Variants in CDH9 observed in about 807,000 individuals in gnomAD.
CDH9 encodes cadherin 9.
CDH9 carries 28 observed loss-of-function variants against 70.9 expected under a neutral mutation model. The observed-to-expected ratio is 0.40, with a 90% CI of 0.29 to 0.54. The LOEUF is 0.54. Ranked by LOEUF, CDH9 falls within the 20% of genes least tolerant of loss-of-function variation. The probability of loss-of-function intolerance (pLI) is 0.59; values close to 1 mark genes in which losing one functional copy is unlikely to be tolerated. For missense variants in CDH9, 874 were observed against 984.4 expected, an observed-to-expected ratio of 0.89 and a Z score of 1.50; for synonymous variants, 409 against 343.1, an observed-to-expected ratio of 1.19 and a Z score of -2.12.
rs1229895019 is a variant in CDH9 at position 26,906,106 on chromosome 5, G to A, written c.664C>T (p.Pro222Ser). The change falls in exon 5 of 12, where the codon CCA becomes TCA. Residue 222 changes from proline to serine, a missense_variant. Pro to Ser is a moderately conservative substitution (Grantham distance 74). Coordinates refer to ENST00000231021, the MANE Select transcript of CDH9 (RefSeq NM_016279.4). ...TCTCTATTTTCTCTGCTCATGTCTG[G>A]TAATGCAGTTTTTATTATGCCTTTT... ...PESGIIKTAL[P>S]DMSRENREQY... 10 of 1,611,180 alleles carry A rather than the reference G, an allele frequency of 6.2e-6. No homozygotes were observed. In the Middle Eastern group the frequency reaches 1.5e-3, roughly 239 times the overall value.
chr5:26,963,889 T>C (rs1579480813), intron 2 of CDH9, among the ~76,000 whole-genome samples: 1 of 151,992 alleles, frequency 6.6e-6, no homozygotes, highest in Non-Finnish European at 1.5e-5. Flanking sequence ...TGATATGGAG[T>C]TTGAAAAGCT....
intron 2 of CDH9, among the ~76,000 whole-genome samples, chr5:26,918,574 G>A (rs1045765801): frequency 1.3e-5 from 2 of 152,158 alleles, no homozygotes; most frequent in South Asian, 2.1e-4. Context: ...TAAGTTGAAT[G>A]GATAGACTTG....
chr5:26,959,760 C>T (rs939569851), intron 2 of CDH9, among the ~76,000 whole-genome samples: 1 of 151,946 alleles, frequency 6.6e-6, no homozygotes, highest in Non-Finnish European at 1.5e-5. Context: ...AAAAGGTCAC[C>T]TAATGTATGA....
At chr5:27,035,750 A>C (rs963975211) in intron 1 of CDH9, among the ~76,000 whole-genome samples, 4 of 151,138 alleles carry the variant, frequency 2.6e-5, no homozygotes, top group Non-Finnish European at 5.9e-5. Flanking sequence ...CCTTGAAGTC[A>C]AAAGTATTAC....
intron 1 of CDH9, among the ~76,000 whole-genome samples, chr5:26,998,568 C>T (rs953229521): frequency 1.5e-4 from 22 of 150,712 alleles, no homozygotes; most frequent in African/African-American, 3.2e-4. Flanking sequence ...CATCACACAC[C>T]GGGGTCTGTT....
chr5:26,996,280 T>G (rs1358971626), intron 1 of CDH9, among the ~76,000 whole-genome samples: 1 of 152,028 alleles, frequency 6.6e-6, no homozygotes, highest in Non-Finnish European at 1.5e-5. Flanking sequence ...AATCTATTGA[T>G]CTTCAAAATG....
chr5:26,950,556 T>C (rs1741827643), intron 2 of CDH9, among the ~76,000 whole-genome samples: 1 of 152,202 alleles, frequency 6.6e-6, no homozygotes, highest in African/African-American at 2.4e-5. Flanking sequence ...CTTCTGACTT[T>C]TTGATATCTT....
At chr5:26,956,680 G>C (rs997648762) in intron 2 of CDH9, among the ~76,000 whole-genome samples, 8 of 152,034 alleles carry the variant, frequency 5.3e-5, no homozygotes, top group African/African-American at 1.9e-4. Context: ...TTCCACCATG[G>C]CATGACACAG....
At chr5:26,963,418 T>A (rs1451811546) in intron 2 of CDH9, among the ~76,000 whole-genome samples, 1 of 152,184 alleles carries the variant, frequency 6.6e-6, no homozygotes, top group East Asian at 1.9e-4. Context: ...TATAAAGGTA[T>A]CAAATGCCAA....
chr5:26,996,867 T>A (rs954998286), intron 1 of CDH9, among the ~76,000 whole-genome samples: 2 of 151,970 alleles, frequency 1.3e-5, no homozygotes, highest in African/African-American at 4.8e-5. Context: ...TGGTATACTA[T>A]CTTTATCCAA....
At chr5:26,975,170 C>T (rs1232048036) in intron 2 of CDH9, among the ~76,000 whole-genome samples, 1 of 152,122 alleles carries the variant, frequency 6.6e-6, no homozygotes, top group Admixed American at 6.6e-5. Context: ...TTCACAGCCA[C>T]TTGAGACATT....
At chr5:26,917,465 A>T (rs992687400) in intron 2 of CDH9, among the ~76,000 whole-genome samples, 1 of 152,066 alleles carries the variant, frequency 6.6e-6, no homozygotes, top group African/African-American at 2.4e-5. Context: ...TGTTATGTTG[A>T]CTTACATCAT....
At chr5:26,982,909 A>T (rs903347406) in intron 2 of CDH9, among the ~76,000 whole-genome samples, 5 of 151,016 alleles carry the variant, frequency 3.3e-5, no homozygotes, top group African/African-American at 1.2e-4. Context: ...CTGGTCTCAA[A>T]CTCCTGACCT....
At chr5:26,883,041 T>TTAGATATATATATA (rs1221330777) in intron 11 of CDH9, among the ~76,000 whole-genome samples, 3 of 58,040 alleles carry the variant, frequency 5.2e-5, no homozygotes, top group Admixed American at 2.2e-4. Context: ...CAGGATCATC[T>TTAGATATATATATA]TATATATATA....
chr5:26,891,538 C>T (rs1448227819), intron 7 of CDH9, among the ~76,000 whole-genome samples: 1 of 151,990 alleles, frequency 6.6e-6, no homozygotes, highest in African/African-American at 2.4e-5. Flanking sequence ...ATTAGCCAGG[C>T]ATGGTGGCAG....
At position 26,881,254 on chromosome 5, in the gene CDH9, C is replaced by G. The variant is rs1363232734; in HGVS notation, c.2252G>C (p.Ser751Thr). 1.2e-6 allele frequency: 2 copies of G among 1,613,446 alleles called. No individual in the cohort carries two copies. Among genetic ancestry groups the G allele is most frequent in the Admixed American group, 1.7e-5 (1 of 59,928 alleles). ...EGNDSIADSL[S>T]SLESLTADCN... ...ATCAGCTGTGAGAGATTCCAAAGAA[C>G]TGAGCGAATCTGCTATGGAATCATT... Residue 751 changes from serine to threonine, a missense_variant, in exon 12 of 12, where the codon AGT becomes ACT. Transcript: ENST00000231021.
At chr5:26,923,253 A>G (rs1457119039) in intron 2 of CDH9, among the ~76,000 whole-genome samples, 1 of 151,556 alleles carries the variant, frequency 6.6e-6, no homozygotes, top group South Asian at 2.1e-4. Context: ...AACAACAACA[A>G]AAAGCAGGAG....
chr5:27,018,954 C>A (rs1743091028), intron 1 of CDH9, among the ~76,000 whole-genome samples: 1 of 151,854 alleles, frequency 6.6e-6, no homozygotes, highest in Non-Finnish European at 1.5e-5. Context: ...CATCTTTATT[C>A]CTTTGTCCCA....
chr5:26,895,541 C>A (rs966719795), intron 7 of CDH9, among the ~76,000 whole-genome samples: 6 of 151,916 alleles, frequency 3.9e-5, no homozygotes, highest in African/African-American at 1.4e-4. Context: ...TTTTAAAAAT[C>A]ATTGAACTTT....
Sources: allele counts gnomAD v4.1 joint callset (sites outside exome capture counted in the v4.1 genomes callset), GRCh38; gene constraint gnomAD v4.1.1; transcripts MANE v1.5; gene names NCBI Gene and HGNC (gene_info 2026-07-23, HGNC 2026-07-21).